Variants in ZMYM2 observed in about 807,000 individuals in gnomAD.
ZMYM2 encodes the protein zinc finger MYM-type protein 2.
Under a neutral mutation model 162.8 loss-of-function variants are expected in ZMYM2, and 56 were observed. The ratio of observed to expected loss-of-function variants is 0.34; its 90% CI spans 0.28 to 0.43. ZMYM2 has a LOEUF of 0.43. ZMYM2 is among the 20% of genes least tolerant of loss of function. The pLI is 1.00. For missense variants in ZMYM2, 1,275 were observed against 1,621.8 expected, an observed-to-expected ratio of 0.79 and a Z score of 3.67; for synonymous variants, 510 against 541.6, an observed-to-expected ratio of 0.94 and a Z score of 0.81.
chr13:19,878,754 T>G, the ZMYM2 span, among the ~76,000 whole-genome samples: 11 of 152,270 alleles, frequency 7.2e-5, no homozygotes, highest in Non-Finnish European at 1.0e-4. Flanking sequence ...ACTCCTGACA[T>G]CGGGTGATCC....
chr13:19,875,356 G>A, the ZMYM2 span, among the ~76,000 whole-genome samples: 2 of 152,100 alleles, frequency 1.3e-5, no homozygotes, highest in African/African-American at 2.4e-5. Flanking sequence ...ATTGCTGGGC[G>A]CAGCGGCTCA....
chr13:19,956,411 T>C (rs1291740656), upstream of ZMYM2, among the ~76,000 whole-genome samples: 3 of 152,236 alleles, frequency 2.0e-5, no homozygotes, highest in African/African-American at 4.8e-5. Context: ...TTCAGGGATG[T>C]TGGAAATTAT....
the ZMYM2 span, among the ~76,000 whole-genome samples, chr13:19,869,087 C>T: frequency 6.6e-6 from 1 of 152,186 alleles, no homozygotes; most frequent in South Asian, 2.1e-4. Flanking sequence ...ACAGATGCCA[C>T]TATCACAGAA....
At chr13:20,035,147 G>C (rs1361854269) in intron 11 of ZMYM2, among the ~76,000 whole-genome samples, 1 of 152,126 alleles carries the variant, frequency 6.6e-6, no homozygotes, top group South Asian at 2.1e-4. Flanking sequence ...TTTTAATGAG[G>C]AATATTTTTT....
At chr13:19,977,073 A>G (rs1482945015) in intron 2 of ZMYM2, among the ~76,000 whole-genome samples, 4 of 152,182 alleles carry the variant, frequency 2.6e-5, no homozygotes, top group Admixed American at 6.5e-5. Flanking sequence ...TTAATTTCTG[A>G]TTAGTATAGC....
chr13:19,901,366 A>G, the ZMYM2 span, among the ~76,000 whole-genome samples: 1 of 152,246 alleles, frequency 6.6e-6, no homozygotes, highest in Admixed American at 6.5e-5. Context: ...GTCAAAAGGT[A>G]GAAGCAACCC....
chr13:19,877,711 C>A, the ZMYM2 span, among the ~76,000 whole-genome samples: 1 of 152,196 alleles, frequency 6.6e-6, no homozygotes, highest in African/African-American at 2.4e-5. Flanking sequence ...CATGTGGCAG[C>A]ATATGTCCAA....
the ZMYM2 span, among the ~76,000 whole-genome samples, chr13:19,869,427 G>A: frequency 1.3e-5 from 2 of 152,188 alleles, no homozygotes; most frequent in East Asian, 3.8e-4. Context: ...AGAAGGGCAT[G>A]TATGTAAATA....
intron 21 of ZMYM2, chr13:20,071,855 T>G (rs1034649079): frequency 1.1e-5 from 2 of 186,368 alleles, no homozygotes; most frequent in Non-Finnish European, 2.3e-5. Context: ...CTGCCCTGGA[T>G]CCAGTGCAGG....
At chr13:19,959,503 G>C (rs546733461) in intron 1 of ZMYM2, among the ~76,000 whole-genome samples, 31 of 152,292 alleles carry the variant, frequency 2.0e-4, no homozygotes, top group African/African-American at 6.7e-4. Flanking sequence ...TGCAGGGGGG[G>C]GCAAACCTCA....
rs377500017 is a variant in ZMYM2 at position 20,003,061 on chromosome 13, C to T, written c.1059C>T (p.Leu353=). ...ATCAACGAAAAGGATCAGCTCACCT[C>T]TTTTGTTCTACCACCTGCCTTTCTT... is the stretch of plus-strand genomic sequence containing the variant. ...TAYQRKGSAH[L]FCSTTCLSSF... Residue 353 remains leucine, a synonymous_variant, in exon 4 of 25, where the codon CTC becomes CTT. Transcript: ENST00000610343. The T allele has an allele frequency of 2.9e-5, 47 of 1,614,222 alleles. No homozygotes were observed. The African/African-American group carries it at 5.9e-4, about 20-fold the overall frequency.
upstream of ZMYM2, among the ~76,000 whole-genome samples, chr13:19,956,726 A>G (rs1276058967): frequency 1.3e-5 from 2 of 152,230 alleles, no homozygotes; most frequent in Non-Finnish European, 2.9e-5. Context: ...TGGCAACCCA[A>G]TCTATCATTT....
chr13:19,973,861 AGTT>A lies in ZMYM2; in HGVS notation c.-11+13842_-11+13844del, dbSNP rs578148384. Among the ~76,000 whole-genome samples the A allele has an allele frequency of 1.4e-4, 21 of 151,596 alleles. No individual in the cohort carries two copies. The South Asian group carries it at 4.2e-3, about 30-fold the overall frequency. ...TTGTGAGATTTTTTTTTTGGATTTT[AGTT>A]GTTGTTAGCTCATCAGTTATCATTA... On this transcript the variant is annotated intron_variant, in intron 2 of 24. Transcript: ENST00000610343.
intron 7 of ZMYM2, chr13:20,025,701 G>A (rs1308067301): frequency 6.6e-6 from 1 of 152,218 alleles, no homozygotes; most frequent in African/African-American, 2.4e-5. Flanking sequence ...ACAAGAATAC[G>A]TTCTGAAAAA....
the ZMYM2 span, among the ~76,000 whole-genome samples, chr13:19,938,451 T>C: frequency 6.6e-6 from 1 of 152,184 alleles, no homozygotes; most frequent in Non-Finnish European, 1.5e-5. Flanking sequence ...TGAGCCGAGA[T>C]TGCACCACTG....
chr13:20,074,774 G>GT (rs1957369831), intron 21 of ZMYM2, among the ~76,000 whole-genome samples: 1 of 151,930 alleles, frequency 6.6e-6, no homozygotes, highest in Non-Finnish European at 1.5e-5. Flanking sequence ...TCCTGACCTC[G>GT]TGATCCGCCT....
chr13:20,053,359 C>G (rs1237144825), intron 14 of ZMYM2, among the ~76,000 whole-genome samples: 2 of 152,206 alleles, frequency 1.3e-5, no homozygotes, highest in African/African-American at 4.8e-5. Context: ...CCCAAAAATT[C>G]TGTATTTTTA....
intron 2 of ZMYM2, among the ~76,000 whole-genome samples, chr13:19,971,660 A>G (rs1956348323): frequency 6.6e-6 from 1 of 152,108 alleles, no homozygotes; most frequent in Non-Finnish European, 1.5e-5. Context: ...TTCTCAGGCA[A>G]GAAGGATAGT....
the ZMYM2 span, among the ~76,000 whole-genome samples, chr13:19,918,516 T>G: frequency 7.3e-6 from 1 of 136,438 alleles, no homozygotes; most frequent in African/African-American, 3.0e-5. Flanking sequence ...TTTTTTTTTT[T>G]TGAGACGGAG....
Sources: gnomAD v4.1 joint callset for allele counts (sites outside exome capture counted in the v4.1 genomes callset) on GRCh38, gnomAD v4.1.1 for gene constraint, MANE v1.5 for transcripts, NCBI Gene and HGNC (gene_info 2026-07-23, HGNC 2026-07-21) for gene names.